Variants in DAAM1 observed in about 807,000 individuals in gnomAD.
DAAM1 encodes dishevelled associated activator of morphogenesis 1.
Under a neutral mutation model 130.0 loss-of-function variants are expected in DAAM1, and 52 were observed. The observed-to-expected ratio is 0.40, with a 90% CI of 0.32 to 0.50. The LOEUF (loss-of-function observed/expected upper bound fraction) is 0.50. Ranked by LOEUF, DAAM1 falls within the 20% of genes least tolerant of loss-of-function variation. The probability of loss-of-function intolerance (pLI) is 0.61; values close to 1 mark genes in which losing one functional copy is unlikely to be tolerated. For missense variants in DAAM1, 1,134 were observed against 1,303.8 expected, an observed-to-expected ratio of 0.87 and a Z score of 2.01; for synonymous variants, 452 against 444.5, an observed-to-expected ratio of 1.02 and a Z score of -0.21.
At chr14:59,274,866 AAGTT>A (rs755280171) in intron 2 of DAAM1, among the ~76,000 whole-genome samples, 1 of 152,202 alleles carries the variant, frequency 6.6e-6, no homozygotes, top group South Asian at 2.1e-4. Flanking sequence ...GTTGGCATGA[AAGTT>A]AGCAGATTAA....
chr14:59,233,667 T>C (rs1889190562), intron 1 of DAAM1, among the ~76,000 whole-genome samples: 2 of 152,220 alleles, frequency 1.3e-5, no homozygotes, highest in African/African-American at 4.8e-5. Context: ...ATTTTGGCTT[T>C]TGTTGCAATT....
At chr14:59,228,253 C>G (rs1031770290) in intron 1 of DAAM1, among the ~76,000 whole-genome samples, 2 of 152,014 alleles carry the variant, frequency 1.3e-5, no homozygotes, top group African/African-American at 4.8e-5. Context: ...AAAATAATTA[C>G]GGTGGTTTTC....
intron 1 of DAAM1, among the ~76,000 whole-genome samples, chr14:59,221,901 T>A (rs1017835153): frequency 6.6e-6 from 1 of 152,246 alleles, no homozygotes; most frequent in Non-Finnish European, 1.5e-5. Flanking sequence ...ATTTTGCCAG[T>A]GACCCACTAG....
At chr14:59,312,051 A>G (rs190264539) in intron 3 of DAAM1, among the ~76,000 whole-genome samples, 9 of 152,302 alleles carry the variant, frequency 5.9e-5, no homozygotes, top group African/African-American at 1.9e-4. Context: ...AAACAGTGCT[A>G]TAGTGAAAAA....
chr14:59,199,345 GCCTCAGCCT>G (rs775287782), intron 1 of DAAM1, among the ~76,000 whole-genome samples: 8 of 151,982 alleles, frequency 5.3e-5, no homozygotes, highest in Admixed American at 2.0e-4. Context: ...CAATCCTCCC[GCCTCAGCCT>G]CCGGAGTTGC....
chr14:59,251,059 A>AT (rs970299416), intron 1 of DAAM1, among the ~76,000 whole-genome samples: 91 of 152,208 alleles, frequency 6.0e-4, no homozygotes, highest in African/African-American at 2.1e-3. Context: ...AACACCAGAG[A>AT]TTCCGATTTT....
chr14:59,228,367 A>T (rs1365989142), intron 1 of DAAM1, among the ~76,000 whole-genome samples: 1 of 152,184 alleles, frequency 6.6e-6, no homozygotes, highest in Non-Finnish European at 1.5e-5. Flanking sequence ...TTTAGAAATG[A>T]TACTCTTGCC....
intron 1 of DAAM1, among the ~76,000 whole-genome samples, chr14:59,230,861 C>T (rs773655376): frequency 2.6e-5 from 4 of 152,062 alleles, no homozygotes; most frequent in Admixed American, 6.6e-5. Context: ...ATATGTACAC[C>T]TATATACCCA....
In DAAM1 at chr14:59,262,653, A is replaced by AGTGTGTGT. The variant is rs5809025; in HGVS notation, c.-37-749_-37-742dup. Among the ~76,000 whole-genome samples the AGTGTGTGT allele has an allele frequency of 3.5e-3, 486 of 140,834 alleles. 2 individuals are homozygous for AGTGTGTGT. The highest frequency in any genetic ancestry group is 4.6e-3 in the Non-Finnish European group (295 of 64,376). The allele number at this position is 140,834 out of a possible 152,430, so 92.4% of individuals were successfully genotyped here. On this transcript the variant is annotated intron_variant, in intron 1 of 24. Transcript: ENST00000360909. Reference sequence around the variant, plus strand: ...TTAAATGAGTGTATAATATTCTATTAGTGTGTGTGTGTGTGTGTGTGTGTG... The same window carrying AGTGTGTGT: ...TTAAATGAGTGTATAATATTCTATTAGTGTGTGTGTGTGTGTGTGTGTGTGTGTGTGTG...
At chr14:59,330,815 T>A in intron 13 of DAAM1, 127 bp downstream of exon 13, 1 of 975,756 alleles carries the variant, frequency 1.0e-6, no homozygotes, top group Non-Finnish European at 1.5e-6. Flanking sequence ...TCATCACAAT[T>A]AGGAGACTCA....
chr14:59,366,294 G>C (rs1163158297), intron 23 of DAAM1, among the ~76,000 whole-genome samples: 2 of 152,074 alleles, frequency 1.3e-5, no homozygotes, highest in Non-Finnish European at 2.9e-5. Context: ...GAATAAAATT[G>C]TATTCTCAGT....
intron 1 of DAAM1, among the ~76,000 whole-genome samples, chr14:59,191,657 C>G (rs754026985): frequency 6.6e-6 from 1 of 152,124 alleles, no homozygotes; most frequent in Non-Finnish European, 1.5e-5. Context: ...TCACTCACAT[C>G]GACTGTTTCT....
intron 1 of DAAM1, among the ~76,000 whole-genome samples, chr14:59,260,086 T>G (rs1882101009): frequency 6.6e-6 from 1 of 152,174 alleles, no homozygotes; most frequent in Non-Finnish European, 1.5e-5. Flanking sequence ...TTTATAGCAA[T>G]TTGACATTGC....
chr14:59,233,906 G>A (rs963322954), intron 1 of DAAM1, among the ~76,000 whole-genome samples: 2 of 152,164 alleles, frequency 1.3e-5, no homozygotes, highest in African/African-American at 4.8e-5. Context: ...CCCATTGCTT[G>A]TTTTTGTCCA....
At chr14:59,203,158 A>ATTTTTTTTTTTT (rs57437992) in intron 1 of DAAM1, among the ~76,000 whole-genome samples, 11 of 108,064 alleles carry the variant, frequency 1.0e-4, no homozygotes, top group Middle Eastern at 4.7e-3. Context: ...CTTCTGGCTA[A>ATTTTTTTTTTTT]TTTTTTTTTT....
chr14:59,267,989 G>T (rs1445478296), intron 2 of DAAM1, among the ~76,000 whole-genome samples: 1 of 142,258 alleles, frequency 7.0e-6, no homozygotes, highest in African/African-American at 2.6e-5. Flanking sequence ...TGCAACCTCC[G>T]CTTCCCGGGT....
At chr14:59,199,600 C>T (rs1888035541) in intron 1 of DAAM1, among the ~76,000 whole-genome samples, 1 of 152,204 alleles carries the variant, frequency 6.6e-6, no homozygotes, top group African/African-American at 2.4e-5. Context: ...ATATTTATCT[C>T]CTTGGCCCTT....
chr14:59,246,668 A>G (rs1014321017), intron 1 of DAAM1, among the ~76,000 whole-genome samples: 1 of 152,122 alleles, frequency 6.6e-6, no homozygotes, highest in African/African-American at 2.4e-5. Context: ...AATCCCAGCA[A>G]CTGTACAGGG....
At chr14:59,329,017 C>T (rs10083455) in intron 12 of DAAM1, among the ~76,000 whole-genome samples, 32,217 of 152,064 alleles carry the variant, frequency 0.21, 3,497 homozygotes, top group African/African-American at 0.25. Context: ...GGAGAATTCT[C>T]TTTAGGGCAG....
Sources: allele counts gnomAD v4.1 joint callset (sites outside exome capture counted in the v4.1 genomes callset), GRCh38; gene constraint gnomAD v4.1.1; transcripts MANE v1.5; gene names NCBI Gene and HGNC (gene_info 2026-07-23, HGNC 2026-07-21).